PRKN: variants seen among roughly 807,000 people sequenced by gnomAD.
PRKN encodes parkin RBR E3 ubiquitin protein ligase, also known as E3 ubiquitin-protein ligase parkin.
A neutral mutation model predicts 59.5 loss-of-function variants in PRKN; 56 were observed. The ratio of observed to expected loss-of-function variants is 0.94; its 90% CI spans 0.76 to 1.18. The LOEUF (loss-of-function observed/expected upper bound fraction) is 1.18. Ranked by LOEUF, PRKN falls within the 50% of genes most tolerant of loss-of-function variation. PRKN has a pLI of 0.00. For missense variants in PRKN, 657 were observed against 596.4 expected (o/e 1.10, Z -1.06); for synonymous variants, 250 against 222.1 (o/e 1.13, Z -1.12).
intron 9 of PRKN, among the ~76,000 whole-genome samples, chr6:161,479,025 A>T (rs1791260886): frequency 6.6e-6 from 1 of 152,222 alleles, no homozygotes; most frequent in African/African-American, 2.4e-5. Context: ...AGAGTGTAAC[A>T]ATTTGGATGA....
At chr6:161,585,794 C>T (rs1781501979) in intron 7 of PRKN, among the ~76,000 whole-genome samples, 3 of 152,088 alleles carry the variant, frequency 2.0e-5, no homozygotes, top group South Asian at 2.1e-4. Flanking sequence ...ACAGCTGGCT[C>T]GATTACAGCC....
At chr6:161,917,636 T>C (rs1425125537) in intron 6 of PRKN, among the ~76,000 whole-genome samples, 1 of 152,222 alleles carries the variant, frequency 6.6e-6, no homozygotes, top group African/African-American at 2.4e-5. Context: ...AAGCTTCTTA[T>C]GAAATCCTAA....
At chr6:162,656,218 G>C (rs1344353560) in intron 1 of PRKN, among the ~76,000 whole-genome samples, 1 of 152,138 alleles carries the variant, frequency 6.6e-6, no homozygotes, top group Non-Finnish European at 1.5e-5. Flanking sequence ...ATTAATTTAA[G>C]AGCAAGAACT....
At chr6:162,372,957 C>T (rs990753683) in intron 2 of PRKN, among the ~76,000 whole-genome samples, 4 of 151,972 alleles carry the variant, frequency 2.6e-5, no homozygotes, top group East Asian at 1.9e-4. Context: ...TGTCAACTAC[C>T]GGAGGAGTAG....
At chr6:161,698,341 A>G (rs1226617692) in intron 7 of PRKN, among the ~76,000 whole-genome samples, 1 of 152,160 alleles carries the variant, frequency 6.6e-6, no homozygotes, top group East Asian at 1.9e-4. Context: ...ATACTATACA[A>G]GTCAAGCAAA....
intron 1 of PRKN, among the ~76,000 whole-genome samples, chr6:162,476,178 C>A (rs1269786722): frequency 6.6e-6 from 1 of 152,070 alleles, no homozygotes; most frequent in African/African-American, 2.4e-5. Context: ...CTGCCTCAGC[C>A]TCCCGAGTAG....
chr6:162,065,113 G>T (rs531006392), intron 4 of PRKN, among the ~76,000 whole-genome samples: 1 of 152,342 alleles, frequency 6.6e-6, no homozygotes, highest in South Asian at 2.1e-4. Flanking sequence ...TGGCTCACAT[G>T]ATCACAAGAT....
chr6:161,523,323 G>A (rs562770843), intron 9 of PRKN, among the ~76,000 whole-genome samples: 52 of 152,276 alleles, frequency 3.4e-4, no homozygotes, highest in Middle Eastern at 6.8e-3. Context: ...TTTTAAGTCA[G>A]TGTGGTTTCT....
intron 8 of PRKN, among the ~76,000 whole-genome samples, chr6:161,568,121 C>T (rs1780723387): frequency 6.6e-6 from 1 of 152,248 alleles, no homozygotes. Flanking sequence ...TTCTTATCCT[C>T]TCCTTACTAA....
chr6:162,096,848 ATTTTTTTTTTT>A (rs71004079), intron 4 of PRKN, among the ~76,000 whole-genome samples: 29 of 49,204 alleles, frequency 5.9e-4, no homozygotes, highest in East Asian at 2.3e-3. Context: ...TACAGCTGGA[ATTTTTTTTTTT>A]TTTTTTTTTT....
At chr6:161,791,227 C>A (rs1790624785) in intron 6 of PRKN, among the ~76,000 whole-genome samples, 1 of 152,124 alleles carries the variant, frequency 6.6e-6, no homozygotes, top group South Asian at 2.1e-4. Context: ...CCAATGATTT[C>A]TCTGTTTTGA....
chr6:162,023,287 C>CTTGTT (rs1404880018), intron 5 of PRKN, among the ~76,000 whole-genome samples: 16 of 152,128 alleles, frequency 1.1e-4, no homozygotes, highest in Admixed American at 1.0e-3. Flanking sequence ...GAGCGTCTAC[C>CTTGTT]TTGTTACAAG....
chr6:161,985,475 A>C (rs145309956), intron 5 of PRKN, among the ~76,000 whole-genome samples: 1 of 152,200 alleles, frequency 6.6e-6, no homozygotes, highest in East Asian at 1.9e-4. Context: ...AACATGTGTT[A>C]GCTGGTAATT....
At chr6:161,884,721 T>C (rs1220017552) in intron 6 of PRKN, among the ~76,000 whole-genome samples, 3 of 152,236 alleles carry the variant, frequency 2.0e-5, no homozygotes, top group Non-Finnish European at 2.9e-5. Context: ...AATTAGTTCT[T>C]GTACCTCTTC....
intron 6 of PRKN, among the ~76,000 whole-genome samples, chr6:161,880,994 T>C (rs1269631500): frequency 6.6e-6 from 1 of 152,196 alleles, no homozygotes; most frequent in African/African-American, 2.4e-5. Context: ...TTTTTCAGTT[T>C]CTAAGCTTTC....
intron 5 of PRKN, among the ~76,000 whole-genome samples, chr6:162,020,637 C>CA (rs1562464862): frequency 6.6e-6 from 1 of 151,946 alleles, no homozygotes; most frequent in South Asian, 2.1e-4. Context: ...AAAAGCATTT[C>CA]AAAAAACATC....
chr6:161,594,157 C>T (rs142530793), intron 7 of PRKN, among the ~76,000 whole-genome samples: 2,609 of 151,924 alleles, frequency 0.017, 28 homozygotes, highest in Middle Eastern at 0.034. Context: ...AGCAAGACTC[C>T]GTCTCAAAAA....
At chr6:161,724,092 C>T (rs1787341510) in intron 7 of PRKN, among the ~76,000 whole-genome samples, 1 of 152,152 alleles carries the variant, frequency 6.6e-6, no homozygotes, top group Admixed American at 6.5e-5. Context: ...GAGCTTCTTG[C>T]CTGGTGAGTC....
Position 161,356,869 on chromosome 6 carries a change from G to A in PRKN, c.1285+3219C>T, listed in dbSNP as rs1409308508. 6.6e-6 allele frequency among the ~76,000 whole-genome samples: 1 copy of A among 152,046 alleles called. No homozygotes were observed. The highest frequency in any genetic ancestry group is 6.6e-5 in the Admixed American group (1 of 15,252). ...CCGAGGGGCGAGATGAGGGTGGGGT[G>A]TAGATTTGGGAGCCATCAGTATGTG... On this transcript the variant is annotated intron_variant, in intron 11 of 11. Transcript: ENST00000366898. The surrounding 1 kb of genome is among the most constrained non-coding windows in gnomAD (Gnocchi z 7.8).
Sources: gnomAD v4.1 joint callset for allele counts (sites outside exome capture counted in the v4.1 genomes callset) on GRCh38, gnomAD v4.1.1 for gene constraint, Gnocchi (gnomAD v3.1) non-coding constraint, MANE v1.5 for transcripts, NCBI Gene and HGNC (gene_info 2026-07-23, HGNC 2026-07-21) for gene names.